Variants in PARD3B observed in about 807,000 individuals in gnomAD.
PARD3B encodes partitioning defective 3 homolog B.
PARD3B carries 103 observed loss-of-function variants against 130.2 expected under a neutral mutation model. The ratio of observed to expected loss-of-function variants is 0.79; its 90% CI spans 0.67 to 0.93. The LOEUF (loss-of-function observed/expected upper bound fraction) is 0.93. Among genes scored for constraint, PARD3B ranks in the 40% least tolerant of loss-of-function variants. PARD3B has a pLI of 0.00. For synonymous variants in PARD3B, 583 were observed against 553.2 expected (o/e 1.05, Z -0.76); for missense variants, 1,609 against 1,499.2 (o/e 1.07, Z -1.21).
intron 15 of PARD3B, among the ~76,000 whole-genome samples, chr2:205,216,114 A>G (rs1328561824): frequency 6.6e-6 from 1 of 152,142 alleles, no homozygotes; most frequent in African/African-American, 2.4e-5. Flanking sequence ...TGTTTACTAT[A>G]TCTTTTCTAT....
At chr2:205,290,621 A>G (rs952435591) in intron 16 of PARD3B, among the ~76,000 whole-genome samples, 3 of 152,172 alleles carry the variant, frequency 2.0e-5, no homozygotes, top group Admixed American at 2.0e-4. Flanking sequence ...ATACAAAATT[A>G]TTGTTTCAAA....
chr2:204,759,293 C>T (rs1181304019), intron 2 of PARD3B, among the ~76,000 whole-genome samples: 1 of 152,022 alleles, frequency 6.6e-6, no homozygotes, highest in African/African-American at 2.4e-5. Context: ...AGTATGTATA[C>T]CTGGTAAAGT....
chr2:204,745,578 T>G (rs2040186211), intron 2 of PARD3B, among the ~76,000 whole-genome samples: 1 of 151,980 alleles, frequency 6.6e-6, no homozygotes, highest in Non-Finnish European at 1.5e-5. Flanking sequence ...AATCTTTGTA[T>G]TTTTAGTAGA....
intron 21 of PARD3B, among the ~76,000 whole-genome samples, chr2:205,552,735 A>G (rs745877688): frequency 4.6e-5 from 7 of 152,184 alleles, no homozygotes; most frequent in Non-Finnish European, 1.5e-5. Context: ...TTTTAAAAAT[A>G]TGGTCTTTTC....
At chr2:205,330,461 C>T (rs538357712) in intron 18 of PARD3B, among the ~76,000 whole-genome samples, 174 of 152,196 alleles carry the variant, frequency 1.1e-3, no homozygotes, top group Non-Finnish European at 1.8e-3. Context: ...ATCCAGTCTC[C>T]TTGCTTGGGT....
At chr2:204,814,673 C>T (rs369425111) in intron 2 of PARD3B, among the ~76,000 whole-genome samples, 10 of 151,320 alleles carry the variant, frequency 6.6e-5, no homozygotes, top group South Asian at 2.1e-4. Flanking sequence ...AATATTTCAC[C>T]GTTGAGTAAA....
At position 205,105,511 on chromosome 2, in the gene PARD3B, T is replaced by C. The variant is rs998104202; in HGVS notation, c.593+997T>C. Among the ~76,000 whole-genome samples the C allele has an allele frequency of 6.6e-6, 1 of 152,206 alleles. No individual in the cohort carries two copies. Among genetic ancestry groups the C allele is most frequent in the Admixed American group, 6.5e-5 (1 of 15,278 alleles). On this transcript the variant is annotated intron_variant, in intron 5 of 22. Coordinates refer to ENST00000406610, the MANE Select transcript of PARD3B (RefSeq NM_001302769.2). This position sits in a 1 kb window ranked among gnomAD's most constrained non-coding sequence, Gnocchi z 4.0. Reference sequence around the variant, plus strand: ...CAAACAATTAACATGAAATTAGCTTTTTAAAAACATAGGTCATCATCCTTT... The same window carrying C: ...CAAACAATTAACATGAAATTAGCTTCTTAAAAACATAGGTCATCATCCTTT...
chr2:204,563,103 T>C (rs1307387836), intron 1 of PARD3B, among the ~76,000 whole-genome samples: 2 of 152,314 alleles, frequency 1.3e-5, no homozygotes, highest in Non-Finnish European at 2.9e-5. Flanking sequence ...CTTCAAAACC[T>C]CTAGAGAAGG....
intron 2 of PARD3B, among the ~76,000 whole-genome samples, chr2:204,821,636 ATACATATG>A (rs1393526145): frequency 5.3e-5 from 8 of 152,080 alleles, no homozygotes; most frequent in Non-Finnish European, 8.8e-5. Context: ...TGGCACATGT[ATACATATG>A]TAACTAACCT....
chr2:204,893,915 T>C (rs1346946151), intron 2 of PARD3B, among the ~76,000 whole-genome samples: 1 of 152,190 alleles, frequency 6.6e-6, no homozygotes, highest in East Asian at 1.9e-4. Context: ...TAAAAGTTTA[T>C]GCAAAATGAA....
chr2:205,548,955 C>T (rs1445351003), intron 21 of PARD3B, among the ~76,000 whole-genome samples: 1 of 152,054 alleles, frequency 6.6e-6, no homozygotes, highest in Non-Finnish European at 1.5e-5. Context: ...GGGCCAAAGA[C>T]CTCAATGGAT....
At chr2:205,315,115 T>A (rs1425229152) in intron 18 of PARD3B, among the ~76,000 whole-genome samples, 1 of 152,152 alleles carries the variant, frequency 6.6e-6, no homozygotes, top group Non-Finnish European at 1.5e-5. Context: ...TACCAATCAT[T>A]CGTTTGTTCA....
At chr2:204,616,180 A>T (rs537346856) in intron 1 of PARD3B, among the ~76,000 whole-genome samples, 2 of 152,336 alleles carry the variant, frequency 1.3e-5, no homozygotes, top group South Asian at 4.1e-4. Flanking sequence ...AGAGAATGAG[A>T]TGATAAGCCA....
intron 21 of PARD3B, among the ~76,000 whole-genome samples, chr2:205,544,009 G>A (rs1404141404): frequency 2.0e-5 from 3 of 152,152 alleles, no homozygotes; most frequent in Admixed American, 1.3e-4. Context: ...CATATTTTGA[G>A]GGTTAGCATT....
At chr2:204,589,789 A>G (rs1457132897) in intron 1 of PARD3B, among the ~76,000 whole-genome samples, 1 of 152,172 alleles carries the variant, frequency 6.6e-6, no homozygotes, top group East Asian at 1.9e-4. Flanking sequence ...TAGGGGAATT[A>G]TTTTGTTTCT....
chr2:205,163,418 T>C (rs903127786), intron 11 of PARD3B, among the ~76,000 whole-genome samples: 2 of 152,188 alleles, frequency 1.3e-5, no homozygotes, highest in Admixed American at 1.3e-4. Context: ...TAATTGTAAA[T>C]GTATGCACTC....
At chr2:205,208,713 T>G (rs1442846760) in intron 15 of PARD3B, among the ~76,000 whole-genome samples, 1 of 144,320 alleles carries the variant, frequency 6.9e-6, no homozygotes, top group Non-Finnish European at 1.5e-5. Flanking sequence ...CTCAATGAAA[T>G]AAAAGAGGAT....
intron 1 of PARD3B, among the ~76,000 whole-genome samples, chr2:204,646,169 C>T (rs1293254031): frequency 1.3e-5 from 2 of 152,064 alleles, no homozygotes; most frequent in African/African-American, 2.4e-5. Context: ...AAAATACATA[C>T]CTCTGCACTT....
intron 2 of PARD3B, among the ~76,000 whole-genome samples, chr2:204,784,424 T>C (rs1340246614): frequency 6.6e-6 from 1 of 152,206 alleles, no homozygotes; most frequent in Non-Finnish European, 1.5e-5. Flanking sequence ...GATGATCCTT[T>C]TAAGTTGCAT....
Sources: allele counts gnomAD v4.1 joint callset (sites outside exome capture counted in the v4.1 genomes callset), GRCh38; gene constraint gnomAD v4.1.1; non-coding constraint Gnocchi (gnomAD v3.1); transcripts MANE v1.5; gene names NCBI Gene and HGNC (gene_info 2026-07-23, HGNC 2026-07-21).